PEX14: variants seen among roughly 807,000 people sequenced by gnomAD.
PEX14 encodes peroxisomal membrane protein PEX14.
In PEX14, 15 loss-of-function variants were observed where a neutral mutation model predicts 49.5. That is an observed-to-expected ratio of 0.30 (90% CI 0.20 to 0.47). The LOEUF (loss-of-function observed/expected upper bound fraction) is 0.47, where lower values mean the gene tolerates loss of function less well. PEX14 is among the 20% of genes least tolerant of loss of function. The probability of loss-of-function intolerance (pLI) is 1.00; values close to 1 mark genes in which losing one functional copy is unlikely to be tolerated. For synonymous variants in PEX14, 210 were observed against 212.7 expected, an observed-to-expected ratio of 0.99 and a Z score of 0.11; for missense variants, 398 against 494.8, an observed-to-expected ratio of 0.80 and a Z score of 1.86.
chr1:10,554,201 G>A (rs1013395891), intron 3 of PEX14, among the ~76,000 whole-genome samples: 70 of 151,752 alleles, frequency 4.6e-4, no homozygotes, highest in South Asian at 4.2e-4. Flanking sequence ...CTACTTGGGA[G>A]GCTGAGGCAG....
intron 2 of PEX14, among the ~76,000 whole-genome samples, chr1:10,532,814 GTT>G (rs1638688012): frequency 6.6e-6 from 1 of 152,216 alleles, no homozygotes; most frequent in African/African-American, 2.4e-5. Flanking sequence ...ACAAAAGCGT[GTT>G]GTGTGTGTTG....
At chr1:10,592,782 T>C (rs2124591135) in intron 3 of PEX14, among the ~76,000 whole-genome samples, 1 of 152,322 alleles carries the variant, frequency 6.6e-6, no homozygotes, top group South Asian at 2.1e-4. Flanking sequence ...ACCCAGCCTG[T>C]CTGCTTTGGA....
chr1:10,580,147 G>T (rs1640270573), intron 3 of PEX14, among the ~76,000 whole-genome samples: 1 of 152,110 alleles, frequency 6.6e-6, no homozygotes, highest in South Asian at 2.1e-4. Context: ...TAGATTTATA[G>T]TATACTCATA....
At chr1:10,583,142 AC>A (rs34821578) in intron 3 of PEX14, among the ~76,000 whole-genome samples, 14 of 151,094 alleles carry the variant, frequency 9.3e-5, no homozygotes, top group Non-Finnish European at 1.9e-4. Context: ...TTTTCTCCGT[AC>A]CCCTCCGGAC....
At chr1:10,482,815 G>A (rs759064900) in intron 1 of PEX14, among the ~76,000 whole-genome samples, 8 of 152,120 alleles carry the variant, frequency 5.3e-5, no homozygotes, top group Admixed American at 3.3e-4. Flanking sequence ...ATACCTGTAC[G>A]TGTCTTTTTG....
chr1:10,560,203 G>A (rs1455474176), intron 3 of PEX14, among the ~76,000 whole-genome samples: 1 of 151,708 alleles, frequency 6.6e-6, no homozygotes, highest in African/African-American at 2.4e-5. Context: ...GATTACAGGC[G>A]CCCGCCACCA....
At chr1:10,580,836 G>A (rs1640294746) in intron 3 of PEX14, among the ~76,000 whole-genome samples, 1 of 150,882 alleles carries the variant, frequency 6.6e-6, no homozygotes. Context: ...AAGTTCATAT[G>A]CTGCTTATAT....
intron 2 of PEX14, among the ~76,000 whole-genome samples, chr1:10,499,857 A>C (rs1641640009): frequency 1.3e-5 from 2 of 152,176 alleles, no homozygotes; most frequent in Non-Finnish European, 2.9e-5. Flanking sequence ...GATGCTCTGC[A>C]GTTGCAGATC....
chr1:10,577,563 T>TGTATATATATATATATA (rs1557854885), intron 3 of PEX14, among the ~76,000 whole-genome samples: 5 of 2,460 alleles, frequency 2.0e-3, no homozygotes, highest in African/African-American at 7.5e-3. Context: ...TATATATATA[T>TGTATATATATATATATA]TTTTTTTTTT....
intron 3 of PEX14, among the ~76,000 whole-genome samples, chr1:10,595,008 AGG>A (rs1164315454): frequency 4.3e-4 from 65 of 152,200 alleles, no homozygotes; most frequent in African/African-American, 1.4e-3. Flanking sequence ...ATTAATCAAT[AGG>A]ATGTAGCTCA....
chr1:10,560,718 C>CTTTTTTTTTTTT (rs34964492), intron 3 of PEX14, among the ~76,000 whole-genome samples: 1 of 129,092 alleles, frequency 7.7e-6, no homozygotes, highest in African/African-American at 3.0e-5. Flanking sequence ...ATTTTGCCAC[C>CTTTTTTTTTTTT]TTTTTTTTTT....
intron 8 of PEX14, 37 bp downstream of exon 8, chr1:10,627,400 C>A: frequency 1.4e-6 from 2 of 1,436,580 alleles, no homozygotes; most frequent in Non-Finnish European, 2.0e-6. Context: ...TCTGGTCGGG[C>A]CTGGAAAGGA....
At chr1:10,607,438 A>G (rs1047491719) in intron 4 of PEX14, among the ~76,000 whole-genome samples, 1 of 152,188 alleles carries the variant, frequency 6.6e-6, no homozygotes, top group African/African-American at 2.4e-5. Context: ...TGTTAAGTGT[A>G]TGTTTAACTT....
At chr1:10,624,188 G>A (rs1335722301) in intron 6 of PEX14, 152 bp from the exon 7 acceptor site, 16 of 742,204 alleles carry the variant, frequency 2.2e-5, no homozygotes, top group African/African-American at 3.4e-5. Context: ...CACCCAGAGT[G>A]CAGATAAATT....
chr1:10,540,214 G>A (rs551400731), intron 3 of PEX14, among the ~76,000 whole-genome samples: 5 of 152,172 alleles, frequency 3.3e-5, no homozygotes, highest in Non-Finnish European at 7.4e-5. Context: ...GAAACCTGGC[G>A]GTCCCAACCT....
At chr1:10,563,651 G>A (rs11580310) in intron 3 of PEX14, among the ~76,000 whole-genome samples, 16,260 of 151,788 alleles carry the variant, frequency 0.11, 946 homozygotes, top group Non-Finnish European at 0.12. Flanking sequence ...TGGGCCGGGC[G>A]CAGTGGCTCA....
intron 3 of PEX14, among the ~76,000 whole-genome samples, chr1:10,554,065 G>C (rs932744510): frequency 6.6e-6 from 1 of 151,204 alleles, no homozygotes; most frequent in Non-Finnish European, 1.5e-5. Context: ...CGAGGTGGGC[G>C]GATCATGAGG....
intron 2 of PEX14, among the ~76,000 whole-genome samples, chr1:10,525,729 G>A (rs1197287633): frequency 6.6e-6 from 1 of 152,068 alleles, no homozygotes; most frequent in South Asian, 2.1e-4. Flanking sequence ...GGGTTCAAGC[G>A]ATTCTCTCAT....
intron 2 of PEX14, 108 bp from the exon 3 acceptor site, chr1:10,536,105 A>G: frequency 1.3e-6 from 1 of 775,184 alleles, no homozygotes; most frequent in Non-Finnish European, 2.4e-6. Context: ...ATTTGACCAC[A>G]ATAGTATGCT....
Sources: allele counts gnomAD v4.1 joint callset (sites outside exome capture counted in the v4.1 genomes callset), GRCh38; gene constraint gnomAD v4.1.1; transcripts MANE v1.5; gene names NCBI Gene and HGNC (gene_info 2026-07-23, HGNC 2026-07-21).